The following RASAL2 variants were observed in gnomAD, a reference collection of about 807,000 sequenced individuals.
RASAL2 encodes RAS protein activator like 2.
In RASAL2, 58 loss-of-function variants were observed where a neutral mutation model predicts 128.9. That is an observed-to-expected ratio of 0.45 (90% CI 0.36 to 0.56). RASAL2 has a LOEUF of 0.56. RASAL2 is among the 20% of genes least tolerant of loss of function. The pLI, the probability that RASAL2 is intolerant of heterozygous loss-of-function variation, is 0.00. For synonymous variants in RASAL2, 561 were observed against 580.8 expected, an observed-to-expected ratio of 0.97 and a Z score of 0.49; for missense variants, 1,360 against 1,601.6, an observed-to-expected ratio of 0.85 and a Z score of 2.57.
intron 4 of RASAL2, among the ~76,000 whole-genome samples, chr1:178,417,755 G>A (rs1179421342): frequency 1.7e-4 from 18 of 102,944 alleles, no homozygotes; most frequent in South Asian, 2.8e-4. Flanking sequence ...GTGAAACTCC[G>A]TCTAAAAAAA....
At chr1:178,152,367 A>G (rs906179592) in intron 1 of RASAL2, among the ~76,000 whole-genome samples, 6 of 152,182 alleles carry the variant, frequency 3.9e-5, no homozygotes, top group African/African-American at 1.2e-4. Context: ...TGTATCTCTT[A>G]TAATAAATCG....
chr1:178,116,378 G>A (rs1237914265), intron 1 of RASAL2, among the ~76,000 whole-genome samples: 2 of 152,086 alleles, frequency 1.3e-5, no homozygotes, highest in Non-Finnish European at 2.9e-5. Context: ...TTATGGAGGT[G>A]GGTAGTCTAT....
intron 3 of RASAL2, among the ~76,000 whole-genome samples, chr1:178,344,116 C>G (rs1670024658): frequency 6.6e-6 from 1 of 151,976 alleles, no homozygotes; most frequent in Non-Finnish European, 1.5e-5. Flanking sequence ...ATGATTTTCT[C>G]CTTGATACTG....
chr1:178,130,793 G>A (rs1278415817), intron 1 of RASAL2, among the ~76,000 whole-genome samples: 1 of 152,034 alleles, frequency 6.6e-6, no homozygotes, highest in African/African-American at 2.4e-5. Flanking sequence ...AACATTTGTC[G>A]CCTGTAATCC....
intron 1 of RASAL2, chr1:178,125,218 C>A (rs1659853312): frequency 6.6e-6 from 1 of 152,110 alleles, no homozygotes; most frequent in Non-Finnish European, 1.5e-5. Flanking sequence ...CATTTCAGAT[C>A]ATTTTTGCTT....
chr1:178,132,169 T>A (rs1449134290), intron 1 of RASAL2, among the ~76,000 whole-genome samples: 1 of 152,016 alleles, frequency 6.6e-6, no homozygotes, highest in Non-Finnish European at 1.5e-5. Context: ...GCCTCCTGAG[T>A]AGCTGGGACT....
rs1400737677 is a variant in RASAL2 at position 178,439,689 on chromosome 1, AG to A, written c.828+115del. On this transcript the variant is annotated intron_variant, in intron 6 of 17. Transcript: ENST00000367649. ...TTGATGATTTAATTAACTGGTTTTC[AG>A]TTGCTAGAAATTATCTACTTACAGA... is the stretch of plus-strand genomic sequence containing the variant. 3 of 913,360 alleles carry A rather than the reference AG, an allele frequency of 3.3e-6. No homozygotes were observed. In the African/African-American group the frequency reaches 5.1e-5, roughly 16 times the overall value. 56.6% of individuals were successfully genotyped at this position (913,360 alleles called of 1,614,324 possible). A position where few individuals can be genotyped will look rare whatever the true frequency, so the allele number is the denominator to read the frequency against.
rs1648560221 is a variant in RASAL2, at chr1:178,474,854, A to G, written c.*1615A>G. The G allele has an allele frequency of 6.6e-6, 1 of 152,158 alleles. No individual in the cohort carries two copies. Among genetic ancestry groups the G allele is most frequent in the Non-Finnish European group, 1.5e-5 (1 of 68,032 alleles). The allele number at this position is 152,158 out of a possible 1,614,324, so 9.4% of individuals were successfully genotyped here. A position where few individuals can be genotyped will look rare whatever the true frequency, so the allele number is the denominator to read the frequency against. ...TTGAGAAAGCAACAATGTTTCTCGA[A>G]TAAGTTGATGTTGATTTTAAATTAT... On this transcript the variant is annotated 3_prime_UTR_variant, in exon 18 of 18. Transcript: ENST00000367649.
At chr1:178,146,929 C>T (rs932539342) in intron 1 of RASAL2, among the ~76,000 whole-genome samples, 1 of 152,132 alleles carries the variant, frequency 6.6e-6, no homozygotes, top group African/African-American at 2.4e-5. Flanking sequence ...AAAGGGTTGG[C>T]GTGAATGCCA....
chr1:178,168,225 AAC>A (rs1661582144), intron 1 of RASAL2, among the ~76,000 whole-genome samples: 1 of 152,018 alleles, frequency 6.6e-6, no homozygotes, highest in Non-Finnish European at 1.5e-5. Context: ...AATTGAAGAT[AAC>A]ACACAAATAA....
chr1:178,435,496 T>C (rs1209646152), intron 5 of RASAL2, among the ~76,000 whole-genome samples: 2 of 152,140 alleles, frequency 1.3e-5, no homozygotes, highest in Non-Finnish European at 2.9e-5. Flanking sequence ...TCAAGCAATA[T>C]AATACTCATT....
At chr1:178,271,511 G>C (rs1401374846) in intron 1 of RASAL2, among the ~76,000 whole-genome samples, 1 of 152,118 alleles carries the variant, frequency 6.6e-6, no homozygotes, top group Non-Finnish European at 1.5e-5. Context: ...TGGAGCTCTT[G>C]GAGCAATTCC....
intron 1 of RASAL2, among the ~76,000 whole-genome samples, chr1:178,214,246 C>T (rs922815941): frequency 6.6e-6 from 1 of 151,962 alleles, no homozygotes; most frequent in Non-Finnish European, 1.5e-5. Context: ...TGCTCTCCAG[C>T]CTGGATGACT....
rs547538404 is a variant in RASAL2 at position 178,258,530 on chromosome 1, T to G, written c.203-25034T>G. On this transcript the variant is annotated intron_variant, in intron 1 of 17. Transcript: ENST00000367649. ...ATGAAAAGATGCTCAGCATCATTAATCATTAGGGAAATACAAATCAATACA... is the reference window on the plus strand; with the variant it reads ...ATGAAAAGATGCTCAGCATCATTAAGCATTAGGGAAATACAAATCAATACA... 3.9e-5 allele frequency among the ~76,000 whole-genome samples: 6 copies of G among 152,292 alleles called. No homozygotes were observed. The South Asian group carries it at 1.2e-3, about 32-fold the overall frequency.
chr1:178,161,681 A>G (rs941258901), intron 1 of RASAL2, among the ~76,000 whole-genome samples: 4 of 152,138 alleles, frequency 2.6e-5, no homozygotes, highest in Non-Finnish European at 5.9e-5. Context: ...ATTTTGATGA[A>G]CTGCCAAATC....
intron 1 of RASAL2, among the ~76,000 whole-genome samples, chr1:178,169,413 T>A (rs1019212207): frequency 3.9e-5 from 6 of 152,156 alleles, no homozygotes; most frequent in African/African-American, 1.4e-4. Context: ...CTGGTTGACT[T>A]TTCAACTGGC....
At chr1:178,246,945 G>A (rs1457846147) in intron 1 of RASAL2, among the ~76,000 whole-genome samples, 2 of 152,100 alleles carry the variant, frequency 1.3e-5, no homozygotes, top group East Asian at 1.9e-4. Context: ...TAAGCTTTTC[G>A]ATGTGCTGCT....
intron 3 of RASAL2, among the ~76,000 whole-genome samples, chr1:178,365,345 T>TA (rs1237454966): frequency 1.3e-5 from 2 of 152,190 alleles, no homozygotes; most frequent in East Asian, 3.8e-4. Flanking sequence ...ATATTTACTT[T>TA]AAGCTTCTTT....
intron 4 of RASAL2, chr1:178,411,523 T>C (rs1403548020): frequency 1.6e-5 from 9 of 572,480 alleles, no homozygotes; most frequent in East Asian, 1.2e-4. Context: ...CAATCAGACA[T>C]GACCTATTCC....
Sources: allele counts gnomAD v4.1 joint callset (sites outside exome capture counted in the v4.1 genomes callset), GRCh38; gene constraint gnomAD v4.1.1; transcripts MANE v1.5; gene names NCBI Gene and HGNC (gene_info 2026-07-23, HGNC 2026-07-21).